NELL1: variants seen among roughly 807,000 people sequenced by gnomAD.
The protein encoded by NELL1 is neural EGFL like 1.
In NELL1, 76 loss-of-function variants were observed where a neutral mutation model predicts 107.4. That is an observed-to-expected ratio of 0.71 (90% confidence interval 0.59 to 0.86). The LOEUF is 0.86. Ranked by LOEUF, NELL1 falls within the 40% of genes least tolerant of loss-of-function variation. The pLI, the probability that NELL1 is intolerant of heterozygous loss-of-function variation, is 0.00. For synonymous variants in NELL1, 353 were observed against 341.2 expected (o/e 1.03, Z -0.38); for missense variants, 1,024 against 1,005.5 (o/e 1.02, Z -0.25).
In NELL1 at chr11:21,139,913, T is replaced by G. The variant is rs571538536; in HGVS notation, c.1426+26199T>G. Among the ~76,000 whole-genome samples the G allele has an allele frequency of 2.6e-4, 40 of 152,262 alleles. No individual in the cohort carries two copies. In the Middle Eastern group the frequency reaches 0.01, roughly 39 times the overall value. The stretch of plus-strand genomic sequence containing the variant: ...ACCTGAGACCTTTCCTTTGTTCCCA[T>G]TTTTTTCCTATGATTCAGCTTTATG... On this transcript the variant is annotated intron_variant, in intron 13 of 19. Coordinates refer to ENST00000357134, the MANE Select transcript of NELL1 (RefSeq NM_006157.5).
At chr11:20,811,496 G>A (rs1198530492) in intron 3 of NELL1, among the ~76,000 whole-genome samples, 1 of 151,948 alleles carries the variant, frequency 6.6e-6, no homozygotes, top group African/African-American at 2.4e-5. Context: ...TTAGTATTTT[G>A]ATAGGGATTG....
intron 2 of NELL1, among the ~76,000 whole-genome samples, chr11:20,708,676 T>A (rs1855036532): frequency 6.6e-6 from 1 of 152,164 alleles, no homozygotes; most frequent in Non-Finnish European, 1.5e-5. Context: ...CTTTTGGTTG[T>A]CTGTTTACTC....
chr11:21,030,738 T>C (rs543378903), intron 12 of NELL1, among the ~76,000 whole-genome samples: 1 of 152,206 alleles, frequency 6.6e-6, no homozygotes, highest in African/African-American at 2.4e-5. Context: ...TTTTTAAATT[T>C]AGATTACAGT....
chr11:20,885,333 T>C (rs1200833810), intron 4 of NELL1, 111 bp from the exon 5 acceptor site: 1 of 702,262 alleles, frequency 1.4e-6, no homozygotes, highest in South Asian at 1.6e-5. Flanking sequence ...GTGCCACATA[T>C]TGGCTTCTCT....
chr11:21,219,593 T>A (rs904431082), intron 13 of NELL1, among the ~76,000 whole-genome samples: 1 of 152,186 alleles, frequency 6.6e-6, no homozygotes, highest in Non-Finnish European at 1.5e-5. Context: ...TTTCTTCTAG[T>A]AGTTTTATTA....
At chr11:21,093,462 T>C (rs141833373) in intron 12 of NELL1, among the ~76,000 whole-genome samples, 2 of 152,308 alleles carry the variant, frequency 1.3e-5, no homozygotes, top group Non-Finnish European at 2.9e-5. Context: ...AACTGAACCA[T>C]ACACTGCCAG....
At chr11:20,703,311 A>G (rs1184598741) in intron 2 of NELL1, among the ~76,000 whole-genome samples, 3 of 152,046 alleles carry the variant, frequency 2.0e-5, no homozygotes, top group East Asian at 1.9e-4. Flanking sequence ...GTATTCTCTG[A>G]TGGTAGTTTG....
At chr11:21,513,854 A>C (rs558140085) in intron 15 of NELL1, among the ~76,000 whole-genome samples, 3 of 152,328 alleles carry the variant, frequency 2.0e-5, no homozygotes, top group Admixed American at 6.5e-5. Context: ...GTTTGGTTCA[A>C]TTTGACTCAA....
chr11:21,080,068 A>T (rs1311880338), intron 12 of NELL1, among the ~76,000 whole-genome samples: 1 of 152,118 alleles, frequency 6.6e-6, no homozygotes, highest in Non-Finnish European at 1.5e-5. Flanking sequence ...AAATATTTTT[A>T]TTAAGGGTTT....
chr11:21,524,297 T>C (rs966676921), intron 15 of NELL1, among the ~76,000 whole-genome samples: 7 of 151,952 alleles, frequency 4.6e-5, no homozygotes, highest in African/African-American at 1.7e-4. Context: ...TCAAATGGAG[T>C]TGTGAATATA....
intron 13 of NELL1, among the ~76,000 whole-genome samples, chr11:21,134,304 G>T (rs1480052368): frequency 6.6e-6 from 1 of 152,148 alleles, no homozygotes; most frequent in Admixed American, 6.5e-5. Context: ...GTGAAATAGG[G>T]TTTTGTCCTT....
In NELL1 at chr11:20,730,754, A is replaced by G. The variant is rs545151576; in HGVS notation, c.184+52694A>G. On this transcript the variant is annotated intron_variant, in intron 2 of 19. Transcript: ENST00000357134. ...TAACCTTGAGAGCAGCAGACTGAGG[A>G]TGGCATGCTTCCTAGTGGATACCTG... Among the ~76,000 whole-genome samples the G allele has an allele frequency of 3.0e-4, 45 of 152,328 alleles. No homozygotes were observed. In the East Asian group the frequency reaches 7.7e-3, roughly 26 times the overall value.
chr11:21,332,386 T>G (rs943466560), intron 14 of NELL1, among the ~76,000 whole-genome samples: 2 of 151,988 alleles, frequency 1.3e-5, no homozygotes, highest in Non-Finnish European at 2.9e-5. Flanking sequence ...TACTGTGCCC[T>G]GTTTAGAGTT....
intron 12 of NELL1, among the ~76,000 whole-genome samples, chr11:20,969,669 C>A (rs1431003196): frequency 1.1e-4 from 16 of 146,684 alleles, no homozygotes; most frequent in African/African-American, 3.8e-4. Flanking sequence ...TAGTAAAGAA[C>A]AAAGCAAAAA....
intron 14 of NELL1, among the ~76,000 whole-genome samples, chr11:21,276,163 A>G (rs1335386088): frequency 4.6e-5 from 7 of 152,124 alleles, no homozygotes; most frequent in African/African-American, 1.4e-4. Flanking sequence ...CATCGTCTCA[A>G]CCCAAAATCT....
At chr11:20,676,655 G>T (rs1338362393) in intron 1 of NELL1, among the ~76,000 whole-genome samples, 2 of 152,188 alleles carry the variant, frequency 1.3e-5, no homozygotes, top group African/African-American at 4.8e-5. Flanking sequence ...TTTCCTAACA[G>T]GAAAAGAGTA....
At chr11:21,326,501 A>T (rs1850145755) in intron 14 of NELL1, among the ~76,000 whole-genome samples, 1 of 152,056 alleles carries the variant, frequency 6.6e-6, no homozygotes, top group Admixed American at 6.6e-5. Flanking sequence ...TACATGATTT[A>T]AAAAAATTTT....
chr11:21,570,531 C>T (rs1440389725), intron 17 of NELL1, among the ~76,000 whole-genome samples: 5 of 151,750 alleles, frequency 3.3e-5, no homozygotes, highest in Non-Finnish European at 4.4e-5. Flanking sequence ...TTTCAAAAAA[C>T]ATGTTGACTT....
At chr11:21,500,685 A>C (rs183994719) in intron 15 of NELL1, among the ~76,000 whole-genome samples, 12 of 152,264 alleles carry the variant, frequency 7.9e-5, no homozygotes, top group Admixed American at 2.6e-4. Flanking sequence ...TAGCAGTGAC[A>C]TAATACTGTG....
Sources: gnomAD v4.1 joint callset for allele counts (sites outside exome capture counted in the v4.1 genomes callset) on GRCh38, gnomAD v4.1.1 for gene constraint, MANE v1.5 for transcripts, NCBI Gene and HGNC (gene_info 2026-07-23, HGNC 2026-07-21) for gene names.